The following KSR2 variants were observed in gnomAD, a reference collection of about 807,000 sequenced individuals.
KSR2 encodes the protein kinase suppressor of ras 2.
KSR2 carries 25 observed loss-of-function variants against 107.8 expected under a neutral mutation model. The observed-to-expected ratio is 0.23, with a 90% confidence interval of 0.17 to 0.32. The LOEUF (loss-of-function observed/expected upper bound fraction) is 0.32. Ranked by LOEUF, KSR2 falls within the 10% of genes least tolerant of loss-of-function variation. The pLI is 1.00. For missense variants in KSR2, 887 were observed against 1,268.9 expected, an observed-to-expected ratio of 0.70 and a Z score of 4.57; for synonymous variants, 480 against 507.0, an observed-to-expected ratio of 0.95 and a Z score of 0.71.
chr12:117,804,987 T>A (rs1245200996), intron 3 of KSR2, among the ~76,000 whole-genome samples: 3 of 152,116 alleles, frequency 2.0e-5, no homozygotes, highest in African/African-American at 7.2e-5. Context: ...GTGGAAGCCA[T>A]GAAAGAACTC....
chr12:117,483,657 T>A (rs1485446027), intron 16 of KSR2, among the ~76,000 whole-genome samples: 1 of 152,226 alleles, frequency 6.6e-6, no homozygotes, highest in Non-Finnish European at 1.5e-5. Flanking sequence ...CTGTTTCTCA[T>A]GTGGCCAACT....
intron 4 of KSR2, among the ~76,000 whole-genome samples, chr12:117,758,572 C>T (rs1888879326): frequency 6.6e-6 from 1 of 152,154 alleles, no homozygotes; most frequent in East Asian, 1.9e-4. Flanking sequence ...CAGAAGAAAC[C>T]TGAAGGGCAA....
intron 3 of KSR2, among the ~76,000 whole-genome samples, chr12:117,794,201 A>G (rs1890477028): frequency 8.5e-6 from 1 of 117,366 alleles, no homozygotes; most frequent in Admixed American, 8.5e-5. Flanking sequence ...CACACCATGC[A>G]CACATACACC....
intron 9 of KSR2, among the ~76,000 whole-genome samples, chr12:117,545,084 A>G (rs1436877481): frequency 1.3e-5 from 2 of 152,132 alleles, no homozygotes; most frequent in Non-Finnish European, 2.9e-5. Flanking sequence ...TAATATAACC[A>G]TGTTATTTTT....
intron 4 of KSR2, among the ~76,000 whole-genome samples, chr12:117,677,482 C>T (rs187090299): frequency 3.0e-4 from 45 of 152,270 alleles, no homozygotes; most frequent in African/African-American, 1.0e-3. Context: ...CCTGCCAACA[C>T]CTCGATCTTG....
chr12:117,853,465 C>T (rs1333294368), intron 3 of KSR2, among the ~76,000 whole-genome samples: 1 of 152,110 alleles, frequency 6.6e-6, no homozygotes, highest in Non-Finnish European at 1.5e-5. Flanking sequence ...ACTTCAGCCT[C>T]CCAAGTAGCT....
Position 117,530,968 on chromosome 12 carries a change from A to G in KSR2, c.1775T>C (p.Ile592Thr), listed in dbSNP as rs1333156138. The G allele has an allele frequency of 6.2e-7, 1 of 1,613,592 alleles. No individual in the cohort carries two copies. The highest frequency in any genetic ancestry group is 1.3e-5 in the African/African-American group (1 of 74,934). Reference sequence around the variant, plus strand: ...TGGATTCGAGGTCACCGGATGCAGGATGACCTGGGGCGCCCGGGTCGGCGT... The same window carrying G: ...TGGATTCGAGGTCACCGGATGCAGGGTGACCTGGGGCGCCCGGGTCGGCGT... ...PETPTRAPQV[I>T]LHPVTSNPIL... Residue 592 changes from isoleucine (I) to threonine (T), a missense_variant, in exon 12 of 20, where the codon ATC becomes ACC. Coordinates refer to ENST00000339824, the MANE Select transcript of KSR2 (RefSeq NM_173598.6).
intron 16 of KSR2, among the ~76,000 whole-genome samples, chr12:117,480,602 G>T (rs542331597): frequency 3.3e-5 from 5 of 151,886 alleles, no homozygotes; most frequent in African/African-American, 1.2e-4. Flanking sequence ...GCTTGGTGGC[G>T]GGGGGGTCTC....
chr12:117,667,529 G>A lies in KSR2; in HGVS notation c.1116C>T (p.His372=), dbSNP rs375986629. ...ERSLRSFFVG[H]APFLPSTPPV... Reference sequence around the variant, plus strand: ...GAGGGGTGGAAGGCAGGAAAGGTGCGTGTCCCACAAAGAAGGAGCGGAGGG... The same window carrying A: ...GAGGGGTGGAAGGCAGGAAAGGTGCATGTCCCACAAAGAAGGAGCGGAGGG... Residue 372 remains histidine (H), a synonymous_variant, in exon 5 of 20, where the codon CAC becomes CAT. Transcript: ENST00000339824. The A allele has an allele frequency of 1.7e-4, 269 of 1,612,708 alleles. No individual in the cohort carries two copies. Among genetic ancestry groups the A allele is most frequent in the Admixed American group, 2.3e-4 (14 of 59,880 alleles).
At chr12:117,621,314 T>G (rs1293643871) in intron 5 of KSR2, among the ~76,000 whole-genome samples, 2 of 152,188 alleles carry the variant, frequency 1.3e-5, no homozygotes, top group Non-Finnish European at 2.9e-5. Context: ...ACCTCTTTTC[T>G]TTATAAATTA....
At chr12:117,924,572 CAAAAAAAAAAA>C (rs58789868) in intron 1 of KSR2, among the ~76,000 whole-genome samples, 4 of 39,522 alleles carry the variant, frequency 1.0e-4, no homozygotes, top group South Asian at 2.4e-3. Context: ...AGCTCCATCT[CAAAAAAAAAAA>C]AAAAAAAAAA....
intron 14 of KSR2, among the ~76,000 whole-genome samples, chr12:117,503,354 G>C (rs1273020368): frequency 6.6e-6 from 1 of 152,120 alleles, no homozygotes; most frequent in African/African-American, 2.4e-5. Flanking sequence ...GCACTCAGGA[G>C]ACTACACTTT....
At chr12:117,945,539 G>A (rs749268619) in intron 1 of KSR2, among the ~76,000 whole-genome samples, 3 of 151,976 alleles carry the variant, frequency 2.0e-5, no homozygotes, top group African/African-American at 7.3e-5. Flanking sequence ...ACGTGGTGGC[G>A]GGTGTCTATA....
chr12:117,578,259 G>A (rs542828719), intron 7 of KSR2, among the ~76,000 whole-genome samples: 1 of 152,022 alleles, frequency 6.6e-6, no homozygotes, highest in African/African-American at 2.4e-5. Flanking sequence ...TAATTACAAG[G>A]CTGGTTTAAA....
At chr12:117,651,749 C>T (rs1156339055) in intron 5 of KSR2, among the ~76,000 whole-genome samples, 1 of 152,166 alleles carries the variant, frequency 6.6e-6, no homozygotes, top group African/African-American at 2.4e-5. Flanking sequence ...TTTAGACCTA[C>T]TCATCCCAGC....
intron 1 of KSR2, among the ~76,000 whole-genome samples, chr12:117,887,519 G>A (rs2393377): frequency 0.39 from 59,808 of 152,024 alleles, 14,430 homozygotes; most frequent in East Asian, 0.87. Context: ...GTGGAACCAC[G>A]TGGAGCAGAA....
At chr12:117,513,740 C>T (rs997056984) in intron 14 of KSR2, among the ~76,000 whole-genome samples, 2 of 152,222 alleles carry the variant, frequency 1.3e-5, no homozygotes, top group South Asian at 2.1e-4. Context: ...GGAAAGAGGA[C>T]GAGAGAGTGG....
At chr12:117,895,854 T>A (rs1894493882) in intron 1 of KSR2, among the ~76,000 whole-genome samples, 1 of 151,574 alleles carries the variant, frequency 6.6e-6, no homozygotes. Flanking sequence ...AGGTCAGGAG[T>A]TCAAGACCAG....
At chr12:117,808,694 C>A (rs528677893) in intron 3 of KSR2, among the ~76,000 whole-genome samples, 1 of 152,176 alleles carries the variant, frequency 6.6e-6, no homozygotes, top group Non-Finnish European at 1.5e-5. Context: ...AACTCCTACA[C>A]CCCTCTCCTC....
Sources: gnomAD v4.1 joint callset for allele counts (sites outside exome capture counted in the v4.1 genomes callset) on GRCh38, gnomAD v4.1.1 for gene constraint, MANE v1.5 for transcripts, NCBI Gene and HGNC (gene_info 2026-07-23, HGNC 2026-07-21) for gene names.